The following DCLK1 variants were observed in gnomAD, a reference collection of about 807,000 sequenced individuals.
The protein encoded by DCLK1 is doublecortin like kinase 1.
In DCLK1, 16 loss-of-function variants were observed where a neutral mutation model predicts 86.2. The ratio of observed to expected loss-of-function variants is 0.19; its 90% CI spans 0.13 to 0.28. The LOEUF is 0.28. Among genes scored for constraint, DCLK1 ranks in the 10% least tolerant of loss-of-function variants. DCLK1 has a pLI of 1.00. For synonymous variants in DCLK1, 369 were observed against 370.5 expected, an observed-to-expected ratio of 1.00 and a Z score of 0.05; for missense variants, 590 against 940.2, an observed-to-expected ratio of 0.63 and a Z score of 4.87.
chr13:36,030,401 A>G (rs1042533375), intron 3 of DCLK1, among the ~76,000 whole-genome samples: 1 of 151,364 alleles, frequency 6.6e-6, no homozygotes, highest in African/African-American at 2.4e-5. Context: ...GGTTCAAGCA[A>G]TTCTCCTGCC....
At chr13:35,950,309 C>G (rs756838996) in intron 3 of DCLK1, among the ~76,000 whole-genome samples, 1 of 152,182 alleles carries the variant, frequency 6.6e-6, no homozygotes, top group Non-Finnish European at 1.5e-5. Flanking sequence ...ATCATTGATA[C>G]AGAGGTAGCT....
rs114357484 is a variant in DCLK1, at chr13:36,096,592, C to T, written c.723+15277G>A. On this transcript the variant is annotated intron_variant, in intron 3 of 16. Coordinates refer to ENST00000360631, the MANE Select transcript of DCLK1 (RefSeq NM_001330071.2). ...GATGAAAGGACAAGTGGGAAACTCA[C>T]CATGAAGAGGGAATGACAGAGATTA... is the stretch of plus-strand genomic sequence containing the variant. Among the ~76,000 whole-genome samples the T allele has an allele frequency of 3.0e-3, 454 of 152,194 alleles. 1 individual carries two copies. The highest frequency in any genetic ancestry group is 0.01 in the African/African-American group (434 of 41,524).
chr13:35,843,626 T>C (rs1187632442), intron 6 of DCLK1, among the ~76,000 whole-genome samples: 1 of 152,250 alleles, frequency 6.6e-6, no homozygotes, highest in Non-Finnish European at 1.5e-5. Flanking sequence ...ATAAAGGTTT[T>C]GAAAATATCC....
intron 3 of DCLK1, among the ~76,000 whole-genome samples, chr13:35,993,542 C>T (rs1042349502): frequency 6.6e-6 from 1 of 152,154 alleles, no homozygotes; most frequent in African/African-American, 2.4e-5. Context: ...TTGCCACTTA[C>T]TATCTGTGAA....
At chr13:35,933,626 A>C (rs956553144) in intron 4 of DCLK1, among the ~76,000 whole-genome samples, 1 of 152,204 alleles carries the variant, frequency 6.6e-6, no homozygotes. Context: ...CCACAGCCTG[A>C]GCTCTACATT....
chr13:35,945,424 G>C (rs889152955), intron 4 of DCLK1, among the ~76,000 whole-genome samples: 1 of 152,132 alleles, frequency 6.6e-6, no homozygotes, highest in African/African-American at 2.4e-5. Context: ...CTGGCCAGCA[G>C]GGAGAAGGGG....
intron 16 of DCLK1, among the ~76,000 whole-genome samples, chr13:35,777,156 C>T (rs2086437788): frequency 1.3e-5 from 2 of 152,198 alleles, no homozygotes; most frequent in Non-Finnish European, 2.9e-5. Flanking sequence ...ACAAATGCTC[C>T]TGAGCTTTCA....
chr13:36,016,501 A>G (rs1034107978), intron 3 of DCLK1, among the ~76,000 whole-genome samples: 3 of 152,178 alleles, frequency 2.0e-5, no homozygotes, highest in Non-Finnish European at 4.4e-5. Context: ...CTAACGGAGC[A>G]TACACATAAT....
intron 4 of DCLK1, among the ~76,000 whole-genome samples, chr13:35,927,337 T>C (rs994170428): frequency 4.6e-5 from 7 of 152,242 alleles, no homozygotes; most frequent in African/African-American, 1.7e-4. Flanking sequence ...GCTGGCTGTG[T>C]ACACAGTTGT....
At chr13:36,030,008 T>C (rs559551000) in intron 3 of DCLK1, among the ~76,000 whole-genome samples, 2 of 152,298 alleles carry the variant, frequency 1.3e-5, no homozygotes, top group African/African-American at 4.8e-5. Flanking sequence ...GAGCACAGCA[T>C]GGACCTAAGC....
chr13:36,109,447 G>A (rs1291214053), intron 3 of DCLK1, among the ~76,000 whole-genome samples: 3 of 152,170 alleles, frequency 2.0e-5, no homozygotes, highest in Admixed American at 1.3e-4. Flanking sequence ...AGTTTAAATC[G>A]TAGCTGTGTG....
At chr13:35,988,143 C>G (rs139329081) in intron 3 of DCLK1, among the ~76,000 whole-genome samples, 8 of 152,232 alleles carry the variant, frequency 5.3e-5, no homozygotes, top group African/African-American at 1.7e-4. Context: ...TCCCTCCAAC[C>G]CTGAGTGGCT....
chr13:35,871,089 G>T, intron 5 of DCLK1, 135 bp downstream of exon 5: 1 of 704,428 alleles, frequency 1.4e-6, no homozygotes. Context: ...CTGTTCAACC[G>T]CTCTAAGATG....
intron 6 of DCLK1, among the ~76,000 whole-genome samples, chr13:35,841,059 C>A (rs919648418): frequency 1.3e-5 from 2 of 152,238 alleles, no homozygotes; most frequent in South Asian, 2.1e-4. Flanking sequence ...ACAATGTAGA[C>A]CTTCTCTTCT....
At chr13:35,996,567 A>G (rs1880486766) in intron 3 of DCLK1, among the ~76,000 whole-genome samples, 1 of 152,184 alleles carries the variant, frequency 6.6e-6, no homozygotes, top group Non-Finnish European at 1.5e-5. Context: ...GCTGACCTCC[A>G]CAAGCAGGAG....
intron 8 of DCLK1, among the ~76,000 whole-genome samples, chr13:35,828,834 C>T (rs2153106336): frequency 6.6e-6 from 1 of 152,272 alleles, no homozygotes; most frequent in East Asian, 1.9e-4. Flanking sequence ...TCTCTATCCA[C>T]CCAGGGCACC....
At chr13:35,900,781 C>T (rs1028785020) in intron 4 of DCLK1, among the ~76,000 whole-genome samples, 1 of 152,176 alleles carries the variant, frequency 6.6e-6, no homozygotes, top group African/African-American at 2.4e-5. Flanking sequence ...TCTCCACACA[C>T]TGCCAAATGT....
intron 3 of DCLK1, among the ~76,000 whole-genome samples, chr13:35,967,167 G>A (rs1375888325): frequency 2.0e-5 from 3 of 151,868 alleles, no homozygotes; most frequent in Non-Finnish European, 2.9e-5. Flanking sequence ...CCCCGACTGG[G>A]AGGTGAGGAG....
At position 36,108,308 on chromosome 13, in the gene DCLK1, C is replaced by T. The variant is rs541006980; in HGVS notation, c.723+3561G>A. On this transcript the variant is annotated intron_variant, in intron 3 of 16. Coordinates refer to ENST00000360631, the MANE Select transcript of DCLK1 (RefSeq NM_001330071.2). ...CACATAGGCTGCTTATGAACCACAA[C>T]GGTCATCTTGGCCAATTGCAGCTTC... Among the ~76,000 whole-genome samples the T allele has an allele frequency of 2.6e-4, 39 of 152,194 alleles. 1 individual carries two copies. Among genetic ancestry groups the T allele is most frequent in the Admixed American group, 2.0e-3 (31 of 15,270 alleles).
Sources: gnomAD v4.1 joint callset for allele counts (sites outside exome capture counted in the v4.1 genomes callset) on GRCh38, gnomAD v4.1.1 for gene constraint, MANE v1.5 for transcripts, NCBI Gene and HGNC (gene_info 2026-07-23, HGNC 2026-07-21) for gene names.